Variants in AMBRA1 observed in about 807,000 individuals in gnomAD.
AMBRA1 encodes activating molecule in BECN1-regulated autophagy protein 1.
In AMBRA1, 47 loss-of-function variants were observed where a neutral mutation model predicts 125.4. That is an observed-to-expected ratio of 0.37 (90% CI 0.30 to 0.48). The LOEUF is 0.48. Among genes scored for constraint, AMBRA1 ranks in the 20% least tolerant of loss-of-function variants. The probability of loss-of-function intolerance (pLI) is 0.99; values close to 1 mark genes in which losing one functional copy is unlikely to be tolerated. For synonymous variants in AMBRA1, 626 were observed against 655.5 expected (o/e 0.95, Z 0.69); for missense variants, 1,331 against 1,693.4 (o/e 0.79, Z 3.76).
chr11:46,539,485 A>G (rs1195496613), intron 7 of AMBRA1, among the ~76,000 whole-genome samples: 2 of 148,662 alleles, frequency 1.3e-5, no homozygotes, highest in Non-Finnish European at 3.0e-5. Flanking sequence ...TGAACCCAGG[A>G]GATGGAGGTT....
rs201023525 is a variant in AMBRA1 at position 46,433,435 on chromosome 11, G to T, written c.2976+39C>A. 819 of 1,604,122 alleles carry T rather than the reference G, an allele frequency of 5.1e-4. 9 individuals are homozygous for T. The South Asian group carries it at 8.4e-3, about 17-fold the overall frequency. On this transcript the variant is annotated intron_variant, in intron 14 of 17. Transcript: ENST00000683756. Reference sequence around the variant, plus strand: ...CCTCATTACCCTTCCAAGCCTAGGGGAGCTGCCATACAGTGAAGGCACAAG... The same window carrying T: ...CCTCATTACCCTTCCAAGCCTAGGGTAGCTGCCATACAGTGAAGGCACAAG...
At chr11:46,446,628 C>T (rs1948297575) in intron 11 of AMBRA1, among the ~76,000 whole-genome samples, 1 of 152,182 alleles carries the variant, frequency 6.6e-6, no homozygotes, top group South Asian at 2.1e-4. Flanking sequence ...GAACATTTAG[C>T]ATCCCTGGCC....
chr11:46,431,045 G>T (rs1947434179), intron 14 of AMBRA1, among the ~76,000 whole-genome samples: 1 of 152,180 alleles, frequency 6.6e-6, no homozygotes, highest in Admixed American at 6.5e-5. Flanking sequence ...AGGGACATTT[G>T]CTGAGTGATC....
chr11:46,420,167 G>A (rs1215151221), intron 14 of AMBRA1, among the ~76,000 whole-genome samples: 1 of 152,222 alleles, frequency 6.6e-6, no homozygotes, highest in East Asian at 1.9e-4. Flanking sequence ...TGACTGCCCT[G>A]TGGCAGCTGC....
intron 7 of AMBRA1, among the ~76,000 whole-genome samples, chr11:46,540,264 G>A (rs934939109): frequency 5.3e-5 from 8 of 152,154 alleles, no homozygotes; most frequent in Admixed American, 3.3e-4. Flanking sequence ...CTGGTATTAC[G>A]GAAACAGCAA....
At chr11:46,452,098 T>C (rs902575723) in intron 11 of AMBRA1, among the ~76,000 whole-genome samples, 1 of 151,934 alleles carries the variant, frequency 6.6e-6, no homozygotes, top group African/African-American at 2.4e-5. Flanking sequence ...AGGTGGCCTG[T>C]ATGGTAGGTG....
At chr11:46,522,116 C>T (rs1180844704) in intron 7 of AMBRA1, among the ~76,000 whole-genome samples, 2 of 152,152 alleles carry the variant, frequency 1.3e-5, no homozygotes, top group Non-Finnish European at 2.9e-5. Flanking sequence ...ACATAGTGTG[C>T]AATCATGTAT....
chr11:46,417,304 C>A (rs1296251714), intron 15 of AMBRA1, among the ~76,000 whole-genome samples: 1 of 152,192 alleles, frequency 6.6e-6, no homozygotes, highest in African/African-American at 2.4e-5. Flanking sequence ...CCTGCCTCAG[C>A]TTCTCAAAGT....
At chr11:46,415,094 G>T (rs556522419) in intron 15 of AMBRA1, among the ~76,000 whole-genome samples, 5 of 152,350 alleles carry the variant, frequency 3.3e-5, no homozygotes, top group African/African-American at 1.2e-4. Context: ...TGGCTGGCTG[G>T]ATCCTGTGCC....
chr11:46,434,726 G>T, intron 13 of AMBRA1, 123 bp downstream of exon 13: 1 of 1,030,710 alleles, frequency 9.7e-7, no homozygotes, highest in Non-Finnish European at 1.4e-6. Context: ...TCTGGCCTGT[G>T]CCCCAGTGAA....
At chr11:46,530,416 C>T (rs1952163744) in intron 7 of AMBRA1, among the ~76,000 whole-genome samples, 3 of 152,224 alleles carry the variant, frequency 2.0e-5, no homozygotes, top group African/African-American at 7.2e-5. Flanking sequence ...GATCTGGAGG[C>T]TCATGCCCTC....
chr11:46,410,225 G>A (rs1374565088), intron 16 of AMBRA1, 51 bp downstream of exon 16: 2 of 1,579,692 alleles, frequency 1.3e-6, no homozygotes, highest in Non-Finnish European at 8.7e-7. Context: ...AAAAGCAGGA[G>A]GAAGGGATGG....
At chr11:46,509,018 A>G (rs1191608848) in intron 8 of AMBRA1, among the ~76,000 whole-genome samples, 2 of 152,254 alleles carry the variant, frequency 1.3e-5, no homozygotes, top group Non-Finnish European at 2.9e-5. Context: ...TGAGACTGAC[A>G]GTAAAATATA....
rs750706197 is a variant in AMBRA1 at position 46,458,989 on chromosome 11, C to T, written c.2522-15391G>A. On this transcript the variant is annotated intron_variant, in intron 11 of 17. Coordinates refer to ENST00000683756, the MANE Select transcript of AMBRA1 (RefSeq NM_001387011.1). ...TTAGTATGGCATATACATCCAGGAA[C>T]AGGACAAAGCAACTATATTTTGCAA... Among the ~76,000 whole-genome samples, 9 of 152,154 alleles carry T rather than the reference C, an allele frequency of 5.9e-5. No individual in the cohort carries two copies. In the South Asian group the frequency reaches 1.0e-3, roughly 18 times the overall value.
intron 9 of AMBRA1, among the ~76,000 whole-genome samples, chr11:46,500,282 C>T (rs1235453524): frequency 6.6e-6 from 1 of 152,082 alleles, no homozygotes; most frequent in Non-Finnish European, 1.5e-5. Flanking sequence ...AAGGACTTAG[C>T]ATTTTTTTTT....
chr11:46,547,006 G>T, intron 4 of AMBRA1, 107 bp downstream of exon 4: 2 of 1,033,750 alleles, frequency 1.9e-6, no homozygotes, highest in African/African-American at 1.6e-5. Context: ...GGGAGACGGA[G>T]GTTGCAGCGA....
intron 9 of AMBRA1, among the ~76,000 whole-genome samples, chr11:46,506,578 T>G (rs1951042228): frequency 6.6e-6 from 1 of 152,094 alleles, no homozygotes; most frequent in Admixed American, 6.5e-5. Context: ...TGAGAACTCT[T>G]AAGGCCCCAG....
chr11:46,409,958 G>A (rs1946207725), intron 16 of AMBRA1, among the ~76,000 whole-genome samples: 1 of 152,234 alleles, frequency 6.6e-6, no homozygotes, highest in Non-Finnish European at 1.5e-5. Context: ...CTGGGCCATG[G>A]AGCAGACTTC....
intron 1 of AMBRA1, among the ~76,000 whole-genome samples, chr11:46,558,574 A>C (rs79642636): frequency 1.4e-5 from 2 of 143,756 alleles, no homozygotes; most frequent in Non-Finnish European, 3.0e-5. Flanking sequence ...AAAAAAAAAA[A>C]CCACTACCTA....
Sources: gnomAD v4.1 joint callset for allele counts (sites outside exome capture counted in the v4.1 genomes callset) on GRCh38, gnomAD v4.1.1 for gene constraint, MANE v1.5 for transcripts, NCBI Gene and HGNC (gene_info 2026-07-23, HGNC 2026-07-21) for gene names.